NLK: variants seen among roughly 807,000 people sequenced by gnomAD.
NLK encodes the protein nemo like kinase, also known as serine/threonine-protein kinase NLK.
In NLK, 11 loss-of-function variants were observed where a neutral mutation model predicts 59.0. The ratio of observed to expected loss-of-function variants is 0.19; its 90% CI spans 0.12 to 0.31. The LOEUF (loss-of-function observed/expected upper bound fraction) is 0.31, where lower values mean the gene tolerates loss of function less well. Ranked by LOEUF, NLK falls within the 10% of genes least tolerant of loss-of-function variation. The probability of loss-of-function intolerance (pLI) is 1.00; values close to 1 mark genes in which losing one functional copy is unlikely to be tolerated. For synonymous variants in NLK, 235 were observed against 235.9 expected (o/e 1.00, Z 0.03); for missense variants, 410 against 661.1 (o/e 0.62, Z 4.16).
At chr17:28,150,608 A>G (rs914648095) in intron 3 of NLK, among the ~76,000 whole-genome samples, 2 of 152,164 alleles carry the variant, frequency 1.3e-5, no homozygotes, top group Admixed American at 6.5e-5. Context: ...AGACATTGTT[A>G]CTTCTCTTGG....
At chr17:28,189,553 G>A (rs555828439) in intron 8 of NLK, among the ~76,000 whole-genome samples, 1 of 152,260 alleles carries the variant, frequency 6.6e-6, no homozygotes, top group South Asian at 2.1e-4. Flanking sequence ...AGGATAAACC[G>A]TTGAAGTTCT....
intron 1 of NLK, among the ~76,000 whole-genome samples, chr17:28,054,814 C>G (rs1257582694): frequency 1.3e-5 from 2 of 152,196 alleles, no homozygotes; most frequent in Non-Finnish European, 2.9e-5. Context: ...GCCTGTTACT[C>G]CAGCATTTGG....
At chr17:28,176,013 G>T (rs548930751) in intron 7 of NLK, among the ~76,000 whole-genome samples, 1 of 152,020 alleles carries the variant, frequency 6.6e-6, no homozygotes, top group African/African-American at 2.4e-5. Flanking sequence ...GGATCTTTAC[G>T]AAAATCCATA....
chr17:28,079,963 C>T (rs1910289561), intron 1 of NLK, among the ~76,000 whole-genome samples: 3 of 152,038 alleles, frequency 2.0e-5, no homozygotes, highest in South Asian at 4.1e-4. Context: ...ATGTTTAGAT[C>T]GTTAATCCAT....
chr17:28,172,456 A>T, intron 6 of NLK, 61 bp from the exon 7 acceptor site: 1 of 1,168,912 alleles, frequency 8.6e-7, no homozygotes, highest in Non-Finnish European at 1.2e-6. Context: ...GCTATGATTT[A>T]AGAGTAATGA....
intron 10 of NLK, among the ~76,000 whole-genome samples, chr17:28,194,011 A>G (rs1010354091): frequency 2.0e-5 from 3 of 152,188 alleles, no homozygotes; most frequent in African/African-American, 7.2e-5. Context: ...GAAAAAGCCA[A>G]TAACAGATCT....
Position 28,076,987 on chromosome 17 carries a change from G to C in NLK, c.458+33656G>C, listed in dbSNP as rs186744415. The stretch of plus-strand genomic sequence containing the variant: ...AATTTAATGCTGTGTGTCATGCCAT[G>C]GTTTTTTTAAATTGATGTTTTCTTT... On this transcript the variant is annotated intron_variant, in intron 1 of 10. Transcript: ENST00000407008. Among the ~76,000 whole-genome samples the C allele has an allele frequency of 1.4e-3, 212 of 150,486 alleles. 1 individual carries two copies. The highest frequency in any genetic ancestry group is 2.4e-3 in the Non-Finnish European group (159 of 67,600).
intron 1 of NLK, among the ~76,000 whole-genome samples, chr17:28,089,948 G>A (rs184356905): frequency 1.6e-4 from 24 of 152,124 alleles, no homozygotes; most frequent in African/African-American, 5.5e-4. Flanking sequence ...TCCTTTATCA[G>A]CAACATCATT....
chr17:28,085,450 G>A (rs2142770904), intron 1 of NLK, among the ~76,000 whole-genome samples: 1 of 152,274 alleles, frequency 6.6e-6, no homozygotes, highest in South Asian at 2.1e-4. Flanking sequence ...AAAATTATAA[G>A]AGCTGAAGGC....
At chr17:28,177,013 G>A (rs926562140) in intron 7 of NLK, among the ~76,000 whole-genome samples, 4 of 152,270 alleles carry the variant, frequency 2.6e-5, no homozygotes, top group Admixed American at 6.5e-5. Flanking sequence ...TATTCTTAAA[G>A]TAAGCCAGAG....
At chr17:28,043,424 C>T (rs138368054) in intron 1 of NLK, 93 bp downstream of exon 1, 27 of 1,125,598 alleles carry the variant, frequency 2.4e-5, no homozygotes, top group Middle Eastern at 3.1e-4. Flanking sequence ...CCATGTTGAC[C>T]AAGGTGCAGC....
At chr17:28,112,899 AT>A in intron 1 of NLK, among the ~76,000 whole-genome samples, 1 of 152,220 alleles carries the variant, frequency 6.6e-6, no homozygotes, top group Admixed American at 6.5e-5. Flanking sequence ...AAGCAAGCAG[AT>A]TCCTTTGGAA....
chr17:28,132,577 C>CT (rs753240276), intron 2 of NLK, 43 bp from the exon 3 acceptor site: 2 of 1,500,298 alleles, frequency 1.3e-6, no homozygotes, highest in South Asian at 1.2e-5. Flanking sequence ...ATTTTGTTTC[C>CT]TTTTTTGTTC....
intron 1 of NLK, among the ~76,000 whole-genome samples, chr17:28,074,718 T>C (rs140707314): frequency 3.3e-5 from 5 of 152,270 alleles, no homozygotes; most frequent in African/African-American, 9.6e-5. Flanking sequence ...TTTTCACATA[T>C]TTGAAGATAT....
chr17:28,190,001 T>C (rs897381232), intron 8 of NLK, among the ~76,000 whole-genome samples: 7 of 152,214 alleles, frequency 4.6e-5, no homozygotes, highest in Non-Finnish European at 8.8e-5. Context: ...AATCCGGGCT[T>C]ATGAGAAACA....
chr17:28,181,974 C>T (rs374333396), intron 7 of NLK, among the ~76,000 whole-genome samples: 3 of 150,620 alleles, frequency 2.0e-5, no homozygotes, highest in South Asian at 2.1e-4. Context: ...CGCACCATTG[C>T]GCTCCAGCCT....
Position 28,104,435 on chromosome 17 carries a change from T to C in NLK, c.459-18168T>C, listed in dbSNP as rs138704628. 2.5e-3 allele frequency among the ~76,000 whole-genome samples: 384 copies of C among 152,224 alleles called. 1 individual carries two copies. Among genetic ancestry groups the C allele is most frequent in the African/African-American group, 8.9e-3 (370 of 41,542 alleles). ...TATGCCCAGCTAATTTTTGTTTTTT[T>C]AGTAGAGACGAGGTTTCACCATGTT... is the stretch of plus-strand genomic sequence containing the variant. On this transcript the variant is annotated intron_variant, in intron 1 of 10. Coordinates refer to ENST00000407008, the MANE Select transcript of NLK (RefSeq NM_016231.5).
At chr17:28,202,687 C>CTTTTTTTTTTTTT in the NLK span, among the ~76,000 whole-genome samples, 1 of 133,430 alleles carries the variant, frequency 7.5e-6, no homozygotes. Flanking sequence ...TCTTTTTTTT[C>CTTTTTTTTTTTTT]TTTTTTTTTT....
intron 7 of NLK, among the ~76,000 whole-genome samples, chr17:28,181,012 G>A (rs144433583): frequency 2.0e-4 from 30 of 152,242 alleles, no homozygotes; most frequent in African/African-American, 4.3e-4. Flanking sequence ...CTAGCACTTC[G>A]GGAGGCCAAG....
Sources: gnomAD v4.1 joint callset for allele counts (sites outside exome capture counted in the v4.1 genomes callset) on GRCh38, gnomAD v4.1.1 for gene constraint, MANE v1.5 for transcripts, NCBI Gene and HGNC (gene_info 2026-07-23, HGNC 2026-07-21) for gene names.